The following COL9A1 variants were observed in gnomAD, a reference collection of about 807,000 sequenced individuals.
The protein encoded by COL9A1 is collagen alpha-1(IX) chain.
COL9A1 carries 104 observed loss-of-function variants against 142.6 expected under a neutral mutation model. The observed-to-expected ratio is 0.73, with a 90% confidence interval of 0.62 to 0.86. The LOEUF (loss-of-function observed/expected upper bound fraction) is 0.86, where lower values mean the gene tolerates loss of function less well. Among genes scored for constraint, COL9A1 ranks in the 40% least tolerant of loss-of-function variants. COL9A1 has a pLI of 0.00. For missense variants in COL9A1, 1,210 were observed against 1,176.6 expected (o/e 1.03, Z -0.42); for synonymous variants, 466 against 396.0 (o/e 1.18, Z -2.10).
chr6:70,275,708 A>C (rs753835502), intron 10 of COL9A1, among the ~76,000 whole-genome samples: 1 of 152,104 alleles, frequency 6.6e-6, no homozygotes, highest in African/African-American at 2.4e-5. Context: ...GCTGTCATTT[A>C]CAATGTAATC....
intron 28 of COL9A1, among the ~76,000 whole-genome samples, chr6:70,244,403 C>T (rs567384822): frequency 6.6e-6 from 1 of 152,146 alleles, no homozygotes; most frequent in Non-Finnish European, 1.5e-5. Flanking sequence ...AAATTGGGTT[C>T]TACCCCATCT....
chr6:70,228,990 G>T (rs1769388377), intron 36 of COL9A1, among the ~76,000 whole-genome samples: 1 of 152,086 alleles, frequency 6.6e-6, no homozygotes, highest in Non-Finnish European at 1.5e-5. Flanking sequence ...CATTTCTGAA[G>T]ATATGAGATG....
At chr6:70,264,593 A>G (rs1445670423) in intron 18 of COL9A1, among the ~76,000 whole-genome samples, 1 of 152,012 alleles carries the variant, frequency 6.6e-6, no homozygotes, top group Non-Finnish European at 1.5e-5. Context: ...GCAGTGATTG[A>G]TATGTCCACT....
Position 70,263,297 on chromosome 6 carries a change from C to A in COL9A1, c.1342G>T (p.Gly448Cys). The change falls in exon 19 of 38, where the codon GGT (glycine) becomes TGT (cysteine). Residue 448 changes from glycine (G) to cysteine (C), a missense_variant and splice_region_variant. Physicochemically the swap from Gly to Cys is radical, Grantham distance 159. Coordinates refer to ENST00000357250, the MANE Select transcript of COL9A1 (RefSeq NM_001851.6). Reference sequence around the variant, plus strand: ...AGTTCTCCCTGGTCACCTTCTTCACCCTAAAGAAAAAAAAGAAAAAAGAAA... The same window carrying A: ...AGTTCTCCCTGGTCACCTTCTTCACACTAAAGAAAAAAAAGAAAAAAGAAA... Reference protein sequence around the residue: ...IGEPGRQGHKGEEGDQGELGE... With the variant: ...IGEPGRQGHKCEEGDQGELGE... 6.2e-7 allele frequency: 1 copy of A among 1,607,122 alleles called. No homozygotes were observed. The highest frequency in any genetic ancestry group is 8.5e-7 in the Non-Finnish European group (1 of 1,176,658).
downstream of COL9A1, chr6:70,216,112 A>C (rs1768487162): frequency 6.6e-6 from 1 of 152,670 alleles, no homozygotes; most frequent in Non-Finnish European, 1.5e-5. Flanking sequence ...ATTTATAAGA[A>C]AACATGCAAG....
chr6:70,253,532 A>T lies in COL9A1; in HGVS notation c.1720-103T>A, dbSNP rs1771086668. ...CAGGGAGGCTGAGGGAATCATGATA[A>T]CCTCAAAGCTTTAATGTAAGGAAGA... is the stretch of plus-strand genomic sequence containing the variant. On this transcript the variant is annotated intron_variant, in intron 25 of 37. Coordinates refer to ENST00000357250, the MANE Select transcript of COL9A1 (RefSeq NM_001851.6). The T allele has an allele frequency of 3.7e-6, 3 of 809,910 alleles. No homozygotes were observed. The Admixed American group carries it at 5.8e-5, about 16-fold the overall frequency. The allele number at this position is 809,910 out of a possible 1,614,324, so 50.2% of individuals were successfully genotyped here.
At chr6:70,302,141 T>C in intron 1 of COL9A1, 67 bp from the exon 2 acceptor site, 1 of 978,220 alleles carries the variant, frequency 1.0e-6, no homozygotes, top group Non-Finnish European at 1.6e-6. Flanking sequence ...TTCCATATTT[T>C]CAAACCTAGT....
intron 5 of COL9A1, among the ~76,000 whole-genome samples, chr6:70,284,232 C>T (rs701682): frequency 0.13 from 19,694 of 151,766 alleles, 1,466 homozygotes; most frequent in African/African-American, 0.2. Flanking sequence ...CTATTGAACT[C>T]TACAGGGAAT....
chr6:70,241,996 GC>G lies in COL9A1; in HGVS notation c.1965del (p.Pro657LeufsTer6), dbSNP rs1064797325. The G allele has an allele frequency of 1.3e-6, 2 of 1,599,612 alleles. No individual in the cohort carries two copies. Among genetic ancestry groups the G allele is most frequent in the Non-Finnish European group, 1.7e-6 (2 of 1,172,110 alleles). ...CCTTTCATTCCAGGAAGTCCAGGGG[GC>G]CCAGGCAAGCCAGGGAGGCCAGGGC... Reference protein sequence around the residue: ...LGSPGLPGLPGPPGLPGMKGD... With the variant: ...LGSPGLPGLPXPPGLPGMKGD... On this transcript the variant is annotated frameshift_variant, in exon 30 of 38. Coordinates refer to ENST00000357250, the MANE Select transcript of COL9A1 (RefSeq NM_001851.6). LOFTEE classifies it high-confidence loss of function.
Position 70,294,295 on chromosome 6 carries a change from T to C in COL9A1, c.568A>G (p.Ser190Gly). Residue 190 changes from serine (S) to glycine (G), a missense_variant, in exon 5 of 38, where the codon AGT becomes GGT. By Grantham distance (56) the Ser-to-Gly change is moderately conservative (BLOSUM62 0). Transcript: ENST00000357250. The stretch of plus-strand genomic sequence containing the variant: ...CAGTCAACAAAAAGAGTAGCACTAC[T>C]CCTCTCCACGCCAATCATGATCTTA... ...WHKIMIGVERSSATLFVDCNR... is the reference protein window; with the variant it reads ...WHKIMIGVERGSATLFVDCNR... 1 of 1,614,030 alleles carries C rather than the reference T, an allele frequency of 6.2e-7. No individual in the cohort carries two copies. Among genetic ancestry groups the C allele is most frequent in the Non-Finnish European group, 8.5e-7 (1 of 1,179,958 alleles).
At chr6:70,242,758 T>C (rs755934010) in intron 28 of COL9A1, 43 bp from the exon 29 acceptor site, 1 of 1,567,610 alleles carries the variant, frequency 6.4e-7, no homozygotes, top group Non-Finnish European at 8.8e-7. Context: ...TTTGCCAAAA[T>C]TCAAATGCTT....
At chr6:70,283,276 G>T in intron 6 of COL9A1, 1 of 1,415,926 alleles carries the variant, frequency 7.1e-7, no homozygotes, top group Non-Finnish European at 9.2e-7. Context: ...GGGCAGGGGA[G>T]GACGGATAGA....
At chr6:70,281,060 G>A (rs1413559274) in intron 8 of COL9A1, 21 bp from the exon 9 acceptor site, 1 of 1,603,160 alleles carries the variant, frequency 6.2e-7, no homozygotes, top group African/African-American at 1.4e-5. Flanking sequence ...AGGAGAAAAA[G>A]AGAGAGCAGT....
chr6:70,299,203 G>T (rs1453531439), intron 4 of COL9A1, among the ~76,000 whole-genome samples: 2 of 151,674 alleles, frequency 1.3e-5, no homozygotes, highest in African/African-American at 4.8e-5. Flanking sequence ...CTTCTAATTT[G>T]TTCAAAATTT....
At chr6:70,229,444 G>C (rs961429064) in intron 36 of COL9A1, among the ~76,000 whole-genome samples, 5 of 152,102 alleles carry the variant, frequency 3.3e-5, no homozygotes, top group Non-Finnish European at 5.9e-5. Context: ...TGAACGAGTG[G>C]AAATTCTCAT....
In COL9A1 at chr6:70,242,143, T is replaced by G. The variant is rs967337304; in HGVS notation, c.1927-108A>C. 3.1e-5 allele frequency: 29 copies of G among 940,102 alleles called. No homozygotes were observed. The African/African-American group carries it at 3.3e-4, about 11-fold the overall frequency. 58.2% of individuals were successfully genotyped at this position (940,102 alleles called of 1,614,324 possible). On this transcript the variant is annotated intron_variant, in intron 29 of 37. Coordinates refer to ENST00000357250, the MANE Select transcript of COL9A1 (RefSeq NM_001851.6). Reference sequence around the variant, plus strand: ...TGACTTGTGTCTAAAATAAACGTGCTGTGGTTGGTTGAACTCTGCTTCTTG... The same window carrying G: ...TGACTTGTGTCTAAAATAAACGTGCGGTGGTTGGTTGAACTCTGCTTCTTG...
rs1376237848 is a variant in COL9A1 at position 70,234,299 on chromosome 6, C to CAAAA, written c.2314+236_2314+239dup. Among the ~76,000 whole-genome samples, 117 of 132,036 alleles carry CAAAA rather than the reference C, an allele frequency of 8.9e-4. 2 individuals are homozygous for CAAAA. The highest frequency in any genetic ancestry group is 1.0e-3 in the Non-Finnish European group (59 of 57,348). 86.6% of individuals were successfully genotyped at this position (132,036 alleles called of 152,430 possible). On this transcript the variant is annotated intron_variant, in intron 35 of 37. Transcript: ENST00000357250. ...TAGCCCCCATGGCAAAAAAACAAAA[C>CAAAA]AAAACAAAAAAAAGGCAGGATAACC...
chr6:70,299,825 G>A (rs1207293890), intron 4 of COL9A1, among the ~76,000 whole-genome samples: 4 of 152,194 alleles, frequency 2.6e-5, no homozygotes, highest in African/African-American at 7.2e-5. Flanking sequence ...AATAGTCTCA[G>A]TGATGCTTTT....
chr6:70,279,695 A>G (rs1481580451), intron 10 of COL9A1: 11 of 278,722 alleles, frequency 3.9e-5, no homozygotes, highest in Non-Finnish European at 5.9e-5. Flanking sequence ...AAAACGCTAA[A>G]TAGTATAGAC....
Sources: gnomAD v4.1 joint callset for allele counts (sites outside exome capture counted in the v4.1 genomes callset) on GRCh38, gnomAD v4.1.1 for gene constraint, MANE v1.5 for transcripts, NCBI Gene and HGNC (gene_info 2026-07-23, HGNC 2026-07-21) for gene names.